FSTL5: variants seen among roughly 807,000 people sequenced by gnomAD.
The protein encoded by FSTL5 is follistatin-related protein 5.
A neutral mutation model predicts 89.1 loss-of-function variants in FSTL5; 62 were observed. The ratio of observed to expected loss-of-function variants is 0.70; its 90% CI spans 0.57 to 0.86. The LOEUF (loss-of-function observed/expected upper bound fraction) is 0.86, where lower values mean the gene tolerates loss of function less well. FSTL5 is among the 40% of genes least tolerant of loss of function. The probability of loss-of-function intolerance (pLI) is 0.00; values close to 1 mark genes in which losing one functional copy is unlikely to be tolerated. For synonymous variants in FSTL5, 383 were observed against 346.2 expected, an observed-to-expected ratio of 1.11 and a Z score of -1.18; for missense variants, 1,057 against 1,001.6, an observed-to-expected ratio of 1.06 and a Z score of -0.75.
chr4:162,057,092 G>C (rs1263516523), intron 2 of FSTL5, among the ~76,000 whole-genome samples: 1 of 152,194 alleles, frequency 6.6e-6, no homozygotes, highest in African/African-American at 2.4e-5. Flanking sequence ...AGGTCCTGAA[G>C]GGACGGCACA....
chr4:161,417,646 C>T (rs1480384365), intron 15 of FSTL5, among the ~76,000 whole-genome samples: 6 of 152,188 alleles, frequency 3.9e-5, no homozygotes, highest in Admixed American at 6.5e-5. Flanking sequence ...CCAAATACTA[C>T]GTATCCCTCA....
intron 4 of FSTL5, among the ~76,000 whole-genome samples, chr4:161,868,988 G>GA (rs572785795): frequency 4.6e-5 from 7 of 152,094 alleles, no homozygotes; most frequent in Non-Finnish European, 7.4e-5. Context: ...TTGGGAGAAC[G>GA]AGAGAGGCGG....
chr4:161,629,564 T>G (rs1484273314), intron 7 of FSTL5, among the ~76,000 whole-genome samples: 1 of 152,078 alleles, frequency 6.6e-6, no homozygotes, highest in African/African-American at 2.4e-5. Flanking sequence ...AGGCTGGTCC[T>G]GAACTTCTGA....
chr4:161,976,918 T>C (rs1166599081), intron 3 of FSTL5, among the ~76,000 whole-genome samples: 1 of 152,210 alleles, frequency 6.6e-6, no homozygotes, highest in Non-Finnish European at 1.5e-5. Context: ...ACTTTGTTGA[T>C]ATCAAGAAAA....
intron 3 of FSTL5, among the ~76,000 whole-genome samples, chr4:161,968,961 TCACATAAGCACACACACACA>T (rs1735403771): frequency 1.2e-5 from 1 of 82,630 alleles, no homozygotes; most frequent in Admixed American, 1.6e-4. Context: ...ACACACACAC[TCACATAAGCACACACACACA>T]CACACACACA....
chr4:161,491,314 G>C (rs986145167), intron 12 of FSTL5, among the ~76,000 whole-genome samples: 1 of 151,882 alleles, frequency 6.6e-6, no homozygotes, highest in Non-Finnish European at 1.5e-5. Flanking sequence ...AAGTTCAAAA[G>C]GGAGCTATCG....
At chr4:161,776,194 G>A (rs1741407132) in intron 4 of FSTL5, 120 bp from the exon 5 acceptor site, 1 of 539,488 alleles carries the variant, frequency 1.9e-6, no homozygotes, top group Non-Finnish European at 2.9e-6. Context: ...TACTTTTCTG[G>A]TGTTTTACGA....
chr4:161,418,721 T>C (rs1731875519), intron 15 of FSTL5, among the ~76,000 whole-genome samples: 1 of 152,216 alleles, frequency 6.6e-6, no homozygotes, highest in African/African-American at 2.4e-5. Flanking sequence ...TTATATGTTA[T>C]TTAGTTTAAA....
intron 6 of FSTL5, among the ~76,000 whole-genome samples, chr4:161,743,382 T>C (rs1037165319): frequency 1.3e-5 from 2 of 152,088 alleles, no homozygotes; most frequent in African/African-American, 4.8e-5. Context: ...CTCTTTTATC[T>C]TCTATTCCAT....
intron 4 of FSTL5, among the ~76,000 whole-genome samples, chr4:161,890,999 C>T (rs1471515290): frequency 6.6e-6 from 1 of 152,058 alleles, no homozygotes; most frequent in Non-Finnish European, 1.5e-5. Context: ...CTGGTTCTGC[C>T]TGATTTCTTT....
intron 4 of FSTL5, among the ~76,000 whole-genome samples, chr4:161,910,849 T>C: frequency 6.6e-6 from 1 of 152,212 alleles, no homozygotes; most frequent in Non-Finnish European, 1.5e-5. Flanking sequence ...AAAAACATTT[T>C]ATTTATTTTT....
At chr4:161,535,437 C>T (rs1422119140) in intron 10 of FSTL5, among the ~76,000 whole-genome samples, 2 of 152,028 alleles carry the variant, frequency 1.3e-5, no homozygotes, top group Admixed American at 6.6e-5. Context: ...AGACACTTAT[C>T]GAAAGAAGCC....
intron 2 of FSTL5, among the ~76,000 whole-genome samples, chr4:162,085,211 G>C (rs901891060): frequency 3.9e-5 from 6 of 151,914 alleles, no homozygotes; most frequent in African/African-American, 1.4e-4. Context: ...TGAGGCTATT[G>C]AATAGACTGG....
At chr4:162,007,176 G>C (rs1736638021) in intron 3 of FSTL5, among the ~76,000 whole-genome samples, 1 of 151,766 alleles carries the variant, frequency 6.6e-6, no homozygotes, top group African/African-American at 2.4e-5. Flanking sequence ...ATGACATAAA[G>C]CGAATTGCTA....
At chr4:161,733,467 T>G (rs1303662641) in intron 6 of FSTL5, among the ~76,000 whole-genome samples, 1 of 152,050 alleles carries the variant, frequency 6.6e-6, no homozygotes, top group Admixed American at 6.6e-5. Flanking sequence ...CATATCTGTA[T>G]GCTTTTCATG....
intron 7 of FSTL5, among the ~76,000 whole-genome samples, chr4:161,641,499 G>GT (rs1267858707): frequency 7.6e-5 from 11 of 144,622 alleles, no homozygotes; most frequent in South Asian, 2.2e-4. Flanking sequence ...GGGTTTTTTT[G>GT]TTTTGTTTTG....
At chr4:161,682,099 C>G (rs1737545729) in intron 6 of FSTL5, among the ~76,000 whole-genome samples, 1 of 152,064 alleles carries the variant, frequency 6.6e-6, no homozygotes, top group Non-Finnish European at 1.5e-5. Flanking sequence ...TATTTCTAAA[C>G]ATAGAAAAGG....
intron 8 of FSTL5, among the ~76,000 whole-genome samples, chr4:161,574,744 T>G (rs1351664108): frequency 6.6e-6 from 1 of 152,060 alleles, no homozygotes; most frequent in Non-Finnish European, 1.5e-5. Flanking sequence ...TGCCACGTTT[T>G]TCATTGATGG....
At chr4:162,090,536 C>G (rs10005487) in intron 2 of FSTL5, among the ~76,000 whole-genome samples, 55,365 of 151,900 alleles carry the variant, frequency 0.36, 10,660 homozygotes, top group East Asian at 0.54. Context: ...AAACCACAAT[C>G]AAGGCCGGGT....
Sources: allele counts gnomAD v4.1 joint callset (sites outside exome capture counted in the v4.1 genomes callset), GRCh38; gene constraint gnomAD v4.1.1; transcripts MANE v1.5; gene names NCBI Gene and HGNC (gene_info 2026-07-23, HGNC 2026-07-21).